The following FBXL7 variants were observed in gnomAD, a reference collection of about 807,000 sequenced individuals.
The protein encoded by FBXL7 is F-box/LRR-repeat protein 7.
Under a neutral mutation model 38.3 loss-of-function variants are expected in FBXL7, and 12 were observed. The observed-to-expected ratio is 0.31, with a 90% CI of 0.20 to 0.51. FBXL7 has a LOEUF of 0.51. Among genes scored for constraint, FBXL7 ranks in the 20% least tolerant of loss-of-function variants. The pLI is 0.98. For missense variants in FBXL7, 567 were observed against 676.4 expected (o/e 0.84, Z 1.79); for synonymous variants, 297 against 300.9 (o/e 0.99, Z 0.13).
chr5:15,859,336 C>G (rs1188436416), intron 2 of FBXL7, among the ~76,000 whole-genome samples: 1 of 152,104 alleles, frequency 6.6e-6, no homozygotes, highest in African/African-American at 2.4e-5. Context: ...GTGATTTTGC[C>G]CCACAGGGAA....
chr5:15,813,085 A>G (rs1005287358), intron 2 of FBXL7, among the ~76,000 whole-genome samples: 2 of 152,186 alleles, frequency 1.3e-5, no homozygotes, highest in Non-Finnish European at 2.9e-5. Flanking sequence ...AACAGAGATA[A>G]TTTGACTTCA....
intron 2 of FBXL7, among the ~76,000 whole-genome samples, chr5:15,890,904 A>G (rs192613285): frequency 1.3e-5 from 2 of 152,334 alleles, no homozygotes; most frequent in East Asian, 3.9e-4. Flanking sequence ...GATATTTAGG[A>G]TAAAATAAAA....
At chr5:15,802,430 T>C (rs1737594505) in intron 2 of FBXL7, among the ~76,000 whole-genome samples, 1 of 151,164 alleles carries the variant, frequency 6.6e-6, no homozygotes, top group African/African-American at 2.4e-5. Flanking sequence ...GTGTCTGTCA[T>C]GTTTGTTCAC....
intron 2 of FBXL7, among the ~76,000 whole-genome samples, chr5:15,690,115 G>A (rs746075461): frequency 6.6e-5 from 10 of 152,136 alleles, no homozygotes; most frequent in Non-Finnish European, 1.2e-4. Flanking sequence ...TCATTATGTA[G>A]GAAGATCCTT....
At chr5:15,825,604 A>T (rs533177577) in intron 2 of FBXL7, among the ~76,000 whole-genome samples, 2 of 152,208 alleles carry the variant, frequency 1.3e-5, no homozygotes, top group African/African-American at 4.8e-5. Context: ...AATACTAATT[A>T]TTCTCACTTC....
chr5:15,691,694 T>G (rs1328287654), intron 2 of FBXL7, among the ~76,000 whole-genome samples: 1 of 152,222 alleles, frequency 6.6e-6, no homozygotes, highest in Non-Finnish European at 1.5e-5. Context: ...TGAGTCTAGC[T>G]GTTATGATTT....
At chr5:15,885,623 A>G (rs1740644587) in intron 2 of FBXL7, among the ~76,000 whole-genome samples, 1 of 152,186 alleles carries the variant, frequency 6.6e-6, no homozygotes, top group Admixed American at 6.5e-5. Context: ...TTCAAAACAT[A>G]CAGATAATTC....
intron 2 of FBXL7, among the ~76,000 whole-genome samples, chr5:15,880,412 C>T (rs1740396798): frequency 6.6e-6 from 1 of 152,192 alleles, no homozygotes; most frequent in Non-Finnish European, 1.5e-5. Flanking sequence ...CACAGTCCAG[C>T]AGAAACACAG....
chr5:15,937,355 C>A lies in FBXL7; in HGVS notation c.*169C>A. 1.2e-6 allele frequency: 1 copy of A among 829,872 alleles called. No homozygotes were observed. The highest frequency in any genetic ancestry group is 1.8e-6 in the Non-Finnish European group (1 of 553,638). The allele number at this position is 829,872 out of a possible 1,614,324, so 51.4% of individuals were successfully genotyped here. A position where few individuals can be genotyped will look rare whatever the true frequency, so the allele number is the denominator to read the frequency against. ...CTCATTTCTCATGGGCAACAGAGGCCAAAGAAACGAAGCAAGACAAACAGC... is the reference window on the plus strand; with the variant it reads ...CTCATTTCTCATGGGCAACAGAGGCAAAAGAAACGAAGCAAGACAAACAGC... On this transcript the variant is annotated 3_prime_UTR_variant, in exon 4 of 4. Transcript: ENST00000504595.
intron 1 of FBXL7, among the ~76,000 whole-genome samples, chr5:15,573,803 A>G (rs938444953): frequency 6.6e-6 from 1 of 152,246 alleles, no homozygotes; most frequent in Non-Finnish European, 1.5e-5. Context: ...GTACAAATTA[A>G]TAGTTTATCA....
chr5:15,696,517 CTATGT>C (rs1579385926), intron 2 of FBXL7, among the ~76,000 whole-genome samples: 1 of 152,118 alleles, frequency 6.6e-6, no homozygotes, highest in African/African-American at 2.4e-5. Flanking sequence ...AGACTTTATC[CTATGT>C]GTGCCTTTGT....
intron 2 of FBXL7, among the ~76,000 whole-genome samples, chr5:15,784,157 G>T (rs1737074172): frequency 6.6e-6 from 1 of 152,096 alleles, no homozygotes; most frequent in Non-Finnish European, 1.5e-5. Context: ...GTATAGTAGT[G>T]TAGTGCTTCA....
chr5:15,501,150 G>A (rs1466531576), intron 1 of FBXL7, among the ~76,000 whole-genome samples: 2 of 152,146 alleles, frequency 1.3e-5, no homozygotes, highest in African/African-American at 2.4e-5. Flanking sequence ...GGAAGGAGAA[G>A]TTAAGTTTCC....
chr5:15,562,566 A>G (rs1006995930), intron 1 of FBXL7, among the ~76,000 whole-genome samples: 3 of 152,044 alleles, frequency 2.0e-5, no homozygotes, highest in African/African-American at 7.2e-5. Flanking sequence ...CATTATATTC[A>G]TGAGAATTGC....
At chr5:15,532,606 G>A (rs190314503) in intron 1 of FBXL7, among the ~76,000 whole-genome samples, 11 of 152,270 alleles carry the variant, frequency 7.2e-5, no homozygotes, top group African/African-American at 2.4e-4. Flanking sequence ...AAGCTGCCTG[G>A]TGGCCAGAAA....
intron 2 of FBXL7, among the ~76,000 whole-genome samples, chr5:15,772,020 C>G (rs1465312096): frequency 2.0e-5 from 3 of 152,062 alleles, no homozygotes; most frequent in African/African-American, 7.2e-5. Context: ...ATCCACCCGC[C>G]TGGGCCTCCC....
chr5:15,590,958 T>C (rs1353095147), intron 1 of FBXL7, among the ~76,000 whole-genome samples: 2 of 152,180 alleles, frequency 1.3e-5, no homozygotes, highest in East Asian at 1.9e-4. Context: ...GAATTCTTTA[T>C]AAAGAAGGCA....
At chr5:15,521,938 A>G (rs1737106215) in intron 1 of FBXL7, among the ~76,000 whole-genome samples, 1 of 152,246 alleles carries the variant, frequency 6.6e-6, no homozygotes, top group Non-Finnish European at 1.5e-5. Flanking sequence ...AGCTTTTAAT[A>G]GTAATTAGAA....
At chr5:15,859,746 G>A (rs900413696) in intron 2 of FBXL7, among the ~76,000 whole-genome samples, 1 of 152,090 alleles carries the variant, frequency 6.6e-6, no homozygotes, top group Non-Finnish European at 1.5e-5. Flanking sequence ...GGGATTACGG[G>A]AACAACAGTT....
Sources: allele counts gnomAD v4.1 joint callset (sites outside exome capture counted in the v4.1 genomes callset), GRCh38; gene constraint gnomAD v4.1.1; transcripts MANE v1.5; gene names NCBI Gene and HGNC (gene_info 2026-07-23, HGNC 2026-07-21).